Variants in GOLIM4 observed in about 807,000 individuals in gnomAD.
GOLIM4 encodes the protein 130 kDa golgi-localized phosphoprotein.
GOLIM4 carries 71 observed loss-of-function variants against 107.4 expected under a neutral mutation model. The ratio of observed to expected loss-of-function variants is 0.66; its 90% confidence interval spans 0.55 to 0.81. The LOEUF (loss-of-function observed/expected upper bound fraction) is 0.81, where lower values mean the gene tolerates loss of function less well. GOLIM4 is among the 30% of genes least tolerant of loss of function. GOLIM4 has a pLI of 0.00. For missense variants in GOLIM4, 830 were observed against 826.1 expected, an observed-to-expected ratio of 1.00 and a Z score of -0.06; for synonymous variants, 327 against 294.8, an observed-to-expected ratio of 1.11 and a Z score of -1.12.
intron 1 of GOLIM4, among the ~76,000 whole-genome samples, chr3:168,088,877 A>G (rs1257587762): frequency 6.6e-6 from 1 of 152,256 alleles, no homozygotes; most frequent in Non-Finnish European, 1.5e-5. Flanking sequence ...GAATAAAAAG[A>G]AATCAAGGCA....
At chr3:168,073,871 C>A (rs1177504533) in intron 1 of GOLIM4, among the ~76,000 whole-genome samples, 1 of 152,154 alleles carries the variant, frequency 6.6e-6, no homozygotes, top group Non-Finnish European at 1.5e-5. Context: ...TCCAGATTGT[C>A]CCCAGTGACC....
chr3:168,038,475 C>T (rs1718784803), intron 7 of GOLIM4, among the ~76,000 whole-genome samples: 1 of 152,170 alleles, frequency 6.6e-6, no homozygotes. Context: ...CAAAAAATAT[C>T]ACTTAAGAGT....
chr3:168,011,942 GA>G (rs1717063497), intron 14 of GOLIM4, among the ~76,000 whole-genome samples: 1 of 147,718 alleles, frequency 6.8e-6, no homozygotes. Flanking sequence ...CAAAGATGGG[GA>G]AAAAACAGAA....
At position 168,029,706 on chromosome 3, in the gene GOLIM4, C is replaced by A. The variant is rs575917735; in HGVS notation, c.1433+74G>T. On this transcript the variant is annotated intron_variant, in intron 10 of 15. Transcript: ENST00000470487. ...CTTAACTTCATGAATCACAAATGCA[C>A]AAAACTGTTTTTAATTTGCGTATGA... The A allele has an allele frequency of 5.3e-5, 83 of 1,553,674 alleles. No individual in the cohort carries two copies. In the African/African-American group the frequency reaches 8.7e-4, roughly 16 times the overall value.
intron 1 of GOLIM4, among the ~76,000 whole-genome samples, chr3:168,072,339 T>C (rs1430224790): frequency 4.6e-5 from 7 of 151,356 alleles, no homozygotes; most frequent in Admixed American, 2.0e-4. Context: ...AACATATTCA[T>C]TGACTTTGTA....
At chr3:168,047,285 T>C (rs1344335639) in intron 2 of GOLIM4, among the ~76,000 whole-genome samples, 1 of 152,170 alleles carries the variant, frequency 6.6e-6, no homozygotes, top group Admixed American at 6.5e-5. Flanking sequence ...TAACTCTCCT[T>C]GAAATTTAGG....
At chr3:168,028,047 C>A (rs1718106058) in intron 11 of GOLIM4, among the ~76,000 whole-genome samples, 1 of 152,188 alleles carries the variant, frequency 6.6e-6, no homozygotes, top group Non-Finnish European at 1.5e-5. Context: ...GGGTCAGACA[C>A]TTTTCTTCTA....
At chr3:168,017,037 TATA>T (rs1376114614) in intron 14 of GOLIM4, among the ~76,000 whole-genome samples, 4 of 151,856 alleles carry the variant, frequency 2.6e-5, no homozygotes, top group African/African-American at 4.9e-5. Context: ...AAACTTAAAG[TATA>T]ATAATAATAA....
chr3:168,035,545 G>T (rs752307603), intron 8 of GOLIM4, among the ~76,000 whole-genome samples: 6 of 152,172 alleles, frequency 3.9e-5, no homozygotes, highest in Non-Finnish European at 7.3e-5. Context: ...ACCAACACAG[G>T]AACAGAAAGT....
chr3:168,016,056 T>G (rs1419773704), intron 14 of GOLIM4, among the ~76,000 whole-genome samples: 12 of 134,022 alleles, frequency 9.0e-5, no homozygotes, highest in Non-Finnish European at 1.8e-4. Context: ...CTAATTAAAC[T>G]AAAGAGCTTC....
At chr3:168,033,328 G>A (rs183841832) in intron 8 of GOLIM4, among the ~76,000 whole-genome samples, 144 of 152,096 alleles carry the variant, frequency 9.5e-4, no homozygotes, top group African/African-American at 3.1e-3. Flanking sequence ...GCCATTGGCC[G>A]GGCGCGGTGG....
At chr3:168,027,510 T>TC (rs1249130549) in intron 12 of GOLIM4, among the ~76,000 whole-genome samples, 1 of 150,668 alleles carries the variant, frequency 6.6e-6, no homozygotes, top group East Asian at 1.9e-4. Flanking sequence ...TTTTTTTTTT[T>TC]CCCCCAGAGC....
chr3:168,043,334 CA>C, intron 5 of GOLIM4, 44 bp downstream of exon 5: 2 of 1,348,594 alleles, frequency 1.5e-6, no homozygotes, highest in Non-Finnish European at 2.1e-6. Flanking sequence ...ACATTAATAT[CA>C]GTACTTATTT....
At position 168,016,103 on chromosome 3, in the gene GOLIM4, A is replaced by C. The variant is rs1336757485; in HGVS notation, c.1861-5280T>G. On this transcript the variant is annotated intron_variant, in intron 14 of 15. Transcript: ENST00000470487. ...ACAAACTACCATCAGAGTGAACAGG[A>C]AACCTACAAAATGGGAGAAAATTTT... Among the ~76,000 whole-genome samples the C allele has an allele frequency of 6.7e-5, 9 of 134,684 alleles. No homozygotes were observed. The South Asian group carries it at 8.4e-4, about 13-fold the overall frequency. The allele number at this position is 134,684 out of a possible 152,430, so 88.4% of individuals were successfully genotyped here.
chr3:168,037,733 T>C (rs1163328773), intron 7 of GOLIM4, among the ~76,000 whole-genome samples: 1 of 152,188 alleles, frequency 6.6e-6, no homozygotes, highest in East Asian at 1.9e-4. Flanking sequence ...TGGGGTGGGA[T>C]GTGTGGATGT....
At chr3:168,050,822 T>TATAATA (rs140084468) in intron 1 of GOLIM4, among the ~76,000 whole-genome samples, 11,544 of 136,098 alleles carry the variant, frequency 0.085, 547 homozygotes, top group African/African-American at 0.12. Flanking sequence ...TAGCAACACC[T>TATAATA]ATAATAATAA....
chr3:168,016,130 A>G lies in GOLIM4; in HGVS notation c.1861-5307T>C, dbSNP rs1327133928. 2.2e-5 allele frequency among the ~76,000 whole-genome samples: 3 copies of G among 135,096 alleles called. 1 individual carries two copies. The highest frequency in any genetic ancestry group is 2.1e-4 in the South Asian group (1 of 4,762). 88.6% of individuals were successfully genotyped at this position (135,096 alleles called of 152,430 possible). A position where few individuals can be genotyped will look rare whatever the true frequency, so the allele number is the denominator to read the frequency against. ...ACCTACAAAATGGGAGAAAATTTTC[A>G]CAACCTACTCATCTGACAAATGGCT... On this transcript the variant is annotated intron_variant, in intron 14 of 15. Transcript: ENST00000470487.
intron 1 of GOLIM4, among the ~76,000 whole-genome samples, chr3:168,051,054 G>A (rs1230615011): frequency 2.0e-5 from 3 of 151,916 alleles, no homozygotes; most frequent in African/African-American, 7.3e-5. Flanking sequence ...AGCAATCAGG[G>A]TAAACTCACT....
Position 168,043,439 on chromosome 3 carries a change from G to A in GOLIM4, c.457C>T (p.His153Tyr). ...GEDFSRTFND[H>Y]KQKYLQLQQE... Reference sequence around the variant, plus strand: ...TGGAGCTGCAAGTATTTTTGCTTATGGTCATTAAATGTTCTACTGAAGTCT... The same window carrying A: ...TGGAGCTGCAAGTATTTTTGCTTATAGTCATTAAATGTTCTACTGAAGTCT... Residue 153 changes from histidine to tyrosine, a missense_variant, in exon 5 of 16, where the codon CAT (histidine) becomes TAT (tyrosine). Transcript: ENST00000470487. The A allele has an allele frequency of 6.2e-7, 1 of 1,611,850 alleles. No individual in the cohort carries two copies. Among genetic ancestry groups the A allele is most frequent in the Non-Finnish European group, 8.5e-7 (1 of 1,178,580 alleles).
Sources: allele counts gnomAD v4.1 joint callset (sites outside exome capture counted in the v4.1 genomes callset), GRCh38; gene constraint gnomAD v4.1.1; transcripts MANE v1.5; gene names NCBI Gene and HGNC (gene_info 2026-07-23, HGNC 2026-07-21).